PTPRE: variants seen among roughly 807,000 people sequenced by gnomAD.
The protein encoded by PTPRE is receptor-type tyrosine-protein phosphatase epsilon.
A neutral mutation model predicts 102.0 loss-of-function variants in PTPRE; 51 were observed. That is an observed-to-expected ratio of 0.50 (90% CI 0.40 to 0.63). The LOEUF (loss-of-function observed/expected upper bound fraction) is 0.63. Ranked by LOEUF, PTPRE falls within the 30% of genes least tolerant of loss-of-function variation. The probability of loss-of-function intolerance (pLI) is 0.00; values close to 1 mark genes in which losing one functional copy is unlikely to be tolerated. For synonymous variants in PTPRE, 345 were observed against 348.2 expected (o/e 0.99, Z 0.10); for missense variants, 752 against 915.1 (o/e 0.82, Z 2.30).
intron 2 of PTPRE, among the ~76,000 whole-genome samples, chr10:127,984,581 T>C (rs1159913246): frequency 5.9e-5 from 9 of 152,204 alleles, no homozygotes; most frequent in Non-Finnish European, 1.0e-4. Flanking sequence ...TTTGGCTCTG[T>C]GTCCCCACCC....
In PTPRE at chr10:127,919,714, A is replaced by C. The variant is rs541621411; in HGVS notation, c.-31+12405A>C. Among the ~76,000 whole-genome samples the C allele has an allele frequency of 2.7e-4, 41 of 152,304 alleles. 2 individuals carry two copies. The South Asian group carries it at 8.3e-3, about 31-fold the overall frequency. ...ATCCATCTTTTGTCTGCTTGGCCCT[A>C]GTCCTCTGGGTGTGGTTTCCGCCTG... On this transcript the variant is annotated intron_variant, in intron 1 of 20. Transcript: ENST00000254667.
chr10:127,970,589 C>T (rs2135423025), intron 1 of PTPRE, among the ~76,000 whole-genome samples: 2 of 152,002 alleles, frequency 1.3e-5, no homozygotes. Context: ...ATCTGCTGAG[C>T]CGTGGATTAC....
intron 1 of PTPRE, among the ~76,000 whole-genome samples, chr10:127,975,727 G>C (rs1851108179): frequency 6.6e-6 from 1 of 152,184 alleles, no homozygotes; most frequent in Non-Finnish European, 1.5e-5. Context: ...AGCGTGTTCA[G>C]TTACCATTAG....
chr10:127,987,174 C>T (rs970016761), intron 2 of PTPRE: 1 of 296,216 alleles, frequency 3.4e-6, no homozygotes, highest in African/African-American at 2.3e-5. Flanking sequence ...AGTAGGTAAT[C>T]CTTTGTCACA....
chr10:127,927,841 T>A (rs147226720), intron 1 of PTPRE, among the ~76,000 whole-genome samples: 2 of 152,360 alleles, frequency 1.3e-5, no homozygotes, highest in African/African-American at 4.8e-5. Context: ...AGAATACTAA[T>A]ACCTATTTAC....
intron 2 of PTPRE, among the ~76,000 whole-genome samples, chr10:128,010,598 T>TTTCTTTTC (rs1554919851): frequency 1.3e-5 from 2 of 151,738 alleles, no homozygotes; most frequent in African/African-American, 4.9e-5. Context: ...TTTCTTTCCT[T>TTTCTTTTC]TTGAGATGGA....
chr10:127,955,367 G>A (rs1014947564), intron 1 of PTPRE, among the ~76,000 whole-genome samples: 5 of 152,016 alleles, frequency 3.3e-5, no homozygotes, highest in Admixed American at 1.3e-4. Flanking sequence ...GGTGCTTATC[G>A]AAGGCAAAGA....
intron 2 of PTPRE, among the ~76,000 whole-genome samples, chr10:128,029,454 C>T (rs1039945902): frequency 2.0e-5 from 3 of 152,102 alleles, no homozygotes; most frequent in African/African-American, 4.8e-5. Context: ...CACAATTGAC[C>T]CTCTCAGCCC....
chr10:127,920,038 A>G (rs1437896765), intron 1 of PTPRE, among the ~76,000 whole-genome samples: 1 of 151,854 alleles, frequency 6.6e-6, no homozygotes, highest in East Asian at 1.9e-4. Flanking sequence ...TGCTGTGTCC[A>G]TTTTTAGCCC....
chr10:128,067,272 A>G (rs1268895347), intron 11 of PTPRE, among the ~76,000 whole-genome samples: 3 of 148,366 alleles, frequency 2.0e-5, no homozygotes, highest in African/African-American at 5.2e-5. Context: ...ATACATGTGC[A>G]CACACACGCA....
At chr10:128,074,022 T>G (rs1362822485) in intron 17 of PTPRE, among the ~76,000 whole-genome samples, 7 of 152,226 alleles carry the variant, frequency 4.6e-5, no homozygotes, top group Non-Finnish European at 1.0e-4. Flanking sequence ...ACCACCACTA[T>G]CTAATCTGTG....
intron 2 of PTPRE, among the ~76,000 whole-genome samples, chr10:127,993,768 G>GGTGT (rs142298818): frequency 0.063 from 9,414 of 150,608 alleles, 909 homozygotes; most frequent in African/African-American, 0.21. Context: ...CTTTCATAGT[G>GGTGT]GTGTGTGTGT....
At chr10:127,942,684 A>G (rs1050435467) in intron 1 of PTPRE, among the ~76,000 whole-genome samples, 8 of 152,236 alleles carry the variant, frequency 5.3e-5, no homozygotes, top group Admixed American at 6.5e-5. Flanking sequence ...TTGTAGAGAC[A>G]GAAAGTTGAA....
At chr10:128,048,826 G>A (rs765312323) in intron 5 of PTPRE, among the ~76,000 whole-genome samples, 1 of 152,208 alleles carries the variant, frequency 6.6e-6, no homozygotes. Flanking sequence ...GGCTCTGCAG[G>A]TGGGGACAGG....
intron 20 of PTPRE, among the ~76,000 whole-genome samples, chr10:128,081,159 A>C (rs1319806483): frequency 2.0e-5 from 3 of 149,708 alleles, no homozygotes; most frequent in Non-Finnish European, 4.4e-5. Context: ...CAAAAAAAAA[A>C]CACAGGCACA....
chr10:127,909,039 G>C (rs990825878), intron 1 of PTPRE, among the ~76,000 whole-genome samples: 1 of 152,216 alleles, frequency 6.6e-6, no homozygotes, highest in Admixed American at 6.5e-5. Flanking sequence ...GGACAATGCG[G>C]AAAGTCACAC....
chr10:127,932,025 A>G (rs1053013006), intron 1 of PTPRE, among the ~76,000 whole-genome samples: 3 of 152,218 alleles, frequency 2.0e-5, no homozygotes, highest in African/African-American at 7.2e-5. Context: ...TACCGTCTTC[A>G]ATGGTTAACG....
At chr10:128,017,030 G>A (rs1205615369) in intron 2 of PTPRE, among the ~76,000 whole-genome samples, 1 of 152,194 alleles carries the variant, frequency 6.6e-6, no homozygotes, top group East Asian at 1.9e-4. Context: ...GGCAGACCTC[G>A]TCATGCACAC....
At chr10:128,061,144 T>C (rs55962763) in intron 8 of PTPRE, 129 bp downstream of exon 8, 90,588 of 812,884 alleles carry the variant, frequency 0.11, 6,910 homozygotes, top group African/African-American at 0.3. Context: ...GCACAAAGGG[T>C]ACGGAACTGC....
Sources: allele counts gnomAD v4.1 joint callset (sites outside exome capture counted in the v4.1 genomes callset), GRCh38; gene constraint gnomAD v4.1.1; transcripts MANE v1.5; gene names NCBI Gene and HGNC (gene_info 2026-07-23, HGNC 2026-07-21).